The following ST7 variants were observed in gnomAD, a reference collection of about 807,000 sequenced individuals.
The protein encoded by ST7 is suppression of tumorigenicity 7.
Under a neutral mutation model 78.7 loss-of-function variants are expected in ST7, and 28 were observed. The observed-to-expected ratio is 0.36, with a 90% confidence interval of 0.26 to 0.49. ST7 has a LOEUF of 0.49. ST7 is among the 20% of genes least tolerant of loss of function. The pLI is 0.99. For missense variants in ST7, 418 were observed against 696.0 expected, an observed-to-expected ratio of 0.60 and a Z score of 4.49; for synonymous variants, 247 against 249.6, an observed-to-expected ratio of 0.99 and a Z score of 0.10.
At chr7:117,089,494 CAAAAA>C (rs930283853) in intron 1 of ST7, among the ~76,000 whole-genome samples, 1 of 148,430 alleles carries the variant, frequency 6.7e-6, no homozygotes, top group African/African-American at 2.5e-5. Flanking sequence ...CAAAACAAAA[CAAAAA>C]AAAACCTGTG....
At chr7:117,040,425 C>T (rs966328203) in intron 1 of ST7, among the ~76,000 whole-genome samples, 1 of 152,174 alleles carries the variant, frequency 6.6e-6, no homozygotes, top group Non-Finnish European at 1.5e-5. Flanking sequence ...CATACACACA[C>T]ACACACACAC....
chr7:117,016,260 C>T (rs1158323541), intron 1 of ST7, among the ~76,000 whole-genome samples: 4 of 152,050 alleles, frequency 2.6e-5, no homozygotes, highest in Non-Finnish European at 4.4e-5. Context: ...TGTTCCAGGG[C>T]TCTGAAATAA....
rs373725315 is a variant in ST7, at chr7:117,183,716, A to T, written c.1079-5605A>T. On this transcript the variant is annotated intron_variant, in intron 10 of 15. Transcript: ENST00000323984. ...CTGTCTAACAGTTTCCAATAAAGTT[A>T]AACAGACATCTATCTTCAGATCCAG... Among the ~76,000 whole-genome samples, 3 of 152,360 alleles carry T rather than the reference A, an allele frequency of 2.0e-5. No homozygotes were observed. The East Asian group carries it at 5.8e-4, about 29-fold the overall frequency.
At chr7:116,978,531 A>G (rs947482164) in intron 1 of ST7, among the ~76,000 whole-genome samples, 3 of 152,204 alleles carry the variant, frequency 2.0e-5, no homozygotes, top group Admixed American at 2.0e-4. Flanking sequence ...AGGGCACTAT[A>G]TTCAAATGAA....
intron 1 of ST7, chr7:116,966,208 T>G: frequency 3.1e-6 from 1 of 320,164 alleles, no homozygotes; most frequent in Non-Finnish European, 6.5e-6. Flanking sequence ...CAGTTATTAA[T>G]TATTTCCGTA....
chr7:117,004,958 G>A (rs1158769834), intron 1 of ST7, among the ~76,000 whole-genome samples: 1 of 152,144 alleles, frequency 6.6e-6, no homozygotes, highest in Non-Finnish European at 1.5e-5. Flanking sequence ...TGGAAACTTA[G>A]CATGTTTTAT....
intron 15 of ST7, chr7:117,222,828 TA>T: frequency 6.5e-7 from 1 of 1,543,664 alleles, no homozygotes; most frequent in Non-Finnish European, 9.0e-7. Context: ...GGATGATTTC[TA>T]ACTTGGCTGG....
chr7:117,175,261 T>C (rs140705512), intron 10 of ST7, among the ~76,000 whole-genome samples: 4 of 152,360 alleles, frequency 2.6e-5, no homozygotes, highest in Admixed American at 6.5e-5. Context: ...CATTAAGTCA[T>C]GAGAACCTTC....
intron 1 of ST7, among the ~76,000 whole-genome samples, chr7:116,975,648 T>TC (rs1272567777): frequency 6.6e-6 from 1 of 151,986 alleles, no homozygotes; most frequent in Non-Finnish European, 1.5e-5. Context: ...CCTCAAGTGA[T>TC]CTGCCTGCCT....
intron 1 of ST7, among the ~76,000 whole-genome samples, chr7:117,019,140 C>T (rs1795755599): frequency 6.6e-6 from 1 of 152,122 alleles, no homozygotes; most frequent in Admixed American, 6.6e-5. Context: ...TTAGAAAAGG[C>T]ATATACCTTG....
intron 7 of ST7, 43 bp downstream of exon 7, chr7:117,134,235 A>C: frequency 6.2e-7 from 1 of 1,609,672 alleles, no homozygotes; most frequent in Non-Finnish European, 8.5e-7. Context: ...TAACCAAATG[A>C]GACTTCTAGT....
intron 1 of ST7, among the ~76,000 whole-genome samples, chr7:117,014,155 G>T (rs80115179): frequency 0.03 from 4,586 of 152,168 alleles, 134 homozygotes; most frequent in East Asian, 0.13. Context: ...CAACCATTCA[G>T]GTTGCTTACA....
intron 12 of ST7, among the ~76,000 whole-genome samples, chr7:117,206,164 A>T (rs1791732776): frequency 6.6e-6 from 1 of 152,216 alleles, no homozygotes; most frequent in African/African-American, 2.4e-5. Context: ...AGGAGTGTAA[A>T]TCTCTTTTAT....
At chr7:116,989,637 G>A (rs1239286987) in intron 1 of ST7, among the ~76,000 whole-genome samples, 6 of 151,468 alleles carry the variant, frequency 4.0e-5, no homozygotes, top group African/African-American at 1.5e-4. Context: ...CCGGGAGTTT[G>A]AGACCAGCAT....
intron 1 of ST7, among the ~76,000 whole-genome samples, chr7:116,985,017 A>G (rs1365792736): frequency 6.6e-6 from 1 of 152,176 alleles, no homozygotes; most frequent in African/African-American, 2.4e-5. Context: ...CTACCACTAG[A>G]TGGTGCTTGT....
chr7:117,124,528 A>G (rs1241829635), intron 3 of ST7, among the ~76,000 whole-genome samples: 3 of 152,166 alleles, frequency 2.0e-5, no homozygotes, highest in African/African-American at 4.8e-5. Flanking sequence ...TTAAGCAATT[A>G]AAATAATAAT....
chr7:117,220,917 G>C (rs1793039326), intron 14 of ST7, among the ~76,000 whole-genome samples: 1 of 152,150 alleles, frequency 6.6e-6, no homozygotes. Context: ...TGAAGACTCT[G>C]AGGAATAGGA....
intron 1 of ST7, among the ~76,000 whole-genome samples, chr7:116,995,954 C>T (rs912952456): frequency 1.2e-4 from 19 of 152,170 alleles, no homozygotes; most frequent in Non-Finnish European, 2.6e-4. Flanking sequence ...ATCTCTGCTA[C>T]ATGGCCATCT....
chr7:117,146,213 A>G (rs962552807), intron 9 of ST7: 10 of 152,328 alleles, frequency 6.6e-5, no homozygotes, highest in African/African-American at 2.4e-4. Context: ...GATATCACCT[A>G]CACTTCTACA....
Sources: gnomAD v4.1 joint callset for allele counts (sites outside exome capture counted in the v4.1 genomes callset) on GRCh38, gnomAD v4.1.1 for gene constraint, MANE v1.5 for transcripts, NCBI Gene and HGNC (gene_info 2026-07-23, HGNC 2026-07-21) for gene names.